Variants in SLC67A1 observed in about 807,000 individuals in gnomAD.
The protein encoded by SLC67A1 is solute carrier family 67 member 1.
At chr11:2,919,494 G>C in the SLC67A1 span, 1 of 955,880 alleles carries the variant, frequency 1.0e-6, no homozygotes, top group South Asian at 1.4e-5. Context: ...CTCCCCGGCG[G>C]AGGCTGGGGA....
chr11:2,903,780 C>T, the SLC67A1 span: 1 of 439,320 alleles, frequency 2.3e-6, no homozygotes, highest in Non-Finnish European at 4.2e-6. Context: ...TAGCGCTGTT[C>T]CTCCTGCCTC....
the SLC67A1 span, chr11:2,922,421 C>G: frequency 6.2e-7 from 1 of 1,607,816 alleles, no homozygotes. Context: ...GCTCGGCCCC[C>G]GCCTGCCGTC....
the SLC67A1 span, among the ~76,000 whole-genome samples, chr11:2,923,333 C>CTAGAGGCCCGGATGTGGCCGGGCTG: frequency 1.4e-4 from 21 of 147,342 alleles, no homozygotes; most frequent in African/African-American, 5.1e-4. The surrounding 1 kb of genome is among the most constrained non-coding windows in gnomAD (Gnocchi z 6.5). Context: ...GGCAGCAGAT[C>CTAGAGGCCCGGATGTGGCCGGGCTG]CAGAAACTCA....
At chr11:2,902,676 C>T in the SLC67A1 span, 4 of 935,530 alleles carry the variant, frequency 4.3e-6, no homozygotes, top group Non-Finnish European at 5.1e-6. Flanking sequence ...AGTTGGAGGC[C>T]GGGCGGGGAA....
chr11:2,918,011 G>T, the SLC67A1 span: 3 of 1,613,384 alleles, frequency 1.9e-6, no homozygotes, highest in South Asian at 2.2e-5. Context: ...CAGTGTGTTC[G>T]ACCTGAAGGC....
At chr11:2,925,058 T>C in the SLC67A1 span, 1 of 1,613,738 alleles carries the variant, frequency 6.2e-7, no homozygotes, top group Non-Finnish European at 8.5e-7. This position sits in a 1 kb window ranked among gnomAD's most constrained non-coding sequence, Gnocchi z 6.5. Context: ...CTCCGAACTC[T>C]GGGACCCACG....
the SLC67A1 span, chr11:2,918,071 A>T: frequency 9.9e-6 from 16 of 1,613,592 alleles, no homozygotes; most frequent in Non-Finnish European, 1.4e-5. Flanking sequence ...CTTCCTGGTG[A>T]AGGTGGCCTC....
chr11:2,923,256 TC>T, the SLC67A1 span, among the ~76,000 whole-genome samples: 1 of 152,024 alleles, frequency 6.6e-6, no homozygotes, highest in Non-Finnish European at 1.5e-5. The surrounding 1 kb of genome is among the most constrained non-coding windows in gnomAD (Gnocchi z 6.5). Context: ...CTTCCAGGCC[TC>T]CCCAGCAGCA....
chr11:2,919,097 A>T, the SLC67A1 span: 1 of 584,756 alleles, frequency 1.7e-6, no homozygotes, highest in South Asian at 2.2e-5. Flanking sequence ...GAGCTTAGCA[A>T]CCACACGAGA....
chr11:2,903,186 G>A, the SLC67A1 span: 16 of 1,473,766 alleles, frequency 1.1e-5, no homozygotes, highest in African/African-American at 5.6e-5. Context: ...CTGGGGAGGG[G>A]GTCCTGCAGT....
chr11:2,923,176 C>A, the SLC67A1 span, among the ~76,000 whole-genome samples: 1 of 152,186 alleles, frequency 6.6e-6, no homozygotes, highest in East Asian at 1.9e-4. The surrounding 1 kb of genome is among the most constrained non-coding windows in gnomAD (Gnocchi z 6.5). Context: ...TACACACTGG[C>A]CAGTGCAGGG....
the SLC67A1 span, among the ~76,000 whole-genome samples, chr11:2,901,155 CTT>C: frequency 2.6e-5 from 4 of 152,198 alleles, no homozygotes; most frequent in African/African-American, 9.7e-5. Flanking sequence ...CAGAGAAACA[CTT>C]TTTCTTCCGA....
At chr11:2,919,529 T>A in the SLC67A1 span, 1 of 711,302 alleles carries the variant, frequency 1.4e-6, no homozygotes, top group South Asian at 1.7e-5. Flanking sequence ...ATCTGGCACA[T>A]GTCAGGGTCC....
chr11:2,915,108 A>AC, the SLC67A1 span: 1 of 985,000 alleles, frequency 1.0e-6, no homozygotes, highest in Non-Finnish European at 1.2e-6. Context: ...ATATGCCAGC[A>AC]CCCCCCTAGA....
chr11:2,909,605 C>T, the SLC67A1 span: 5 of 1,531,300 alleles, frequency 3.3e-6, no homozygotes, highest in South Asian at 1.2e-5. Context: ...ACGGACCTGT[C>T]GGCACCCGAG....
the SLC67A1 span, among the ~76,000 whole-genome samples, chr11:2,913,943 TGTGGGCTGCGGTTGGTGGGCAGGATGCAG>T: frequency 3.1e-4 from 47 of 152,214 alleles, no homozygotes; most frequent in Non-Finnish European, 5.7e-4. Context: ...CAGCCTCAGG[TGTGGGCTGCGGTTGGTGGGCAGGATGCAG>T]GTGGGCTGCG....
the SLC67A1 span, chr11:2,903,288 T>G: frequency 6.3e-7 from 1 of 1,586,702 alleles, no homozygotes; most frequent in African/African-American, 1.3e-5. Context: ...TTTTGCCCCC[T>G]GCTCCGCCAG....
chr11:2,908,109 T>C, the SLC67A1 span: 6 of 653,630 alleles, frequency 9.2e-6, no homozygotes, highest in African/African-American at 3.7e-5. Context: ...TCGATGGTCA[T>C]ACTGTGCAGT....
At chr11:2,913,982 G>A in the SLC67A1 span, among the ~76,000 whole-genome samples, 38 of 152,016 alleles carry the variant, frequency 2.5e-4, 1 homozygote, top group Non-Finnish European at 3.8e-4. Flanking sequence ...GGTGGGCTGC[G>A]CCCTGCAGGT....
Sources: gnomAD v4.1 joint callset for allele counts (sites outside exome capture counted in the v4.1 genomes callset) on GRCh38, gnomAD v4.1.1 for gene constraint, Gnocchi (gnomAD v3.1) non-coding constraint, MANE v1.5 for transcripts, NCBI Gene and HGNC (gene_info 2026-07-23, HGNC 2026-07-21) for gene names.